The following ADGB variants were observed in gnomAD, a reference collection of about 807,000 sequenced individuals.
ADGB encodes the protein androglobin, also known as calpain-7-like protein.
Under a neutral mutation model 210.5 loss-of-function variants are expected in ADGB, and 172 were observed. That is an observed-to-expected ratio of 0.82 (90% CI 0.72 to 0.93). The LOEUF (loss-of-function observed/expected upper bound fraction) is 0.93, where lower values mean the gene tolerates loss of function less well. ADGB is among the 40% of genes least tolerant of loss of function. ADGB has a pLI of 0.00. For synonymous variants in ADGB, 658 were observed against 662.7 expected, an observed-to-expected ratio of 0.99 and a Z score of 0.11; for missense variants, 2,025 against 1,964.8, an observed-to-expected ratio of 1.03 and a Z score of -0.58.
intron 28 of ADGB, among the ~76,000 whole-genome samples, chr6:146,767,168 A>T (rs1777588102): frequency 6.6e-6 from 1 of 152,222 alleles, no homozygotes; most frequent in Non-Finnish European, 1.5e-5. Context: ...AAATTGGAAT[A>T]AGAAAAGAAT....
In ADGB at chr6:146,649,469, CATTTTTATTTTT is replaced by C. The variant is rs903190821; in HGVS notation, c.330+4616_330+4627del. Among the ~76,000 whole-genome samples the C allele has an allele frequency of 1.3e-4, 20 of 151,004 alleles. No individual in the cohort carries two copies. In the East Asian group the frequency reaches 1.8e-3, roughly 13 times the overall value. On this transcript the variant is annotated intron_variant, in intron 3 of 35. Coordinates refer to ENST00000397944, the MANE Select transcript of ADGB (RefSeq NM_024694.4). ...AAATGTATACTGATGATTCTGAAGA[CATTTTTATTTTT>C]ATTTTTATTTTACTAATTTTTTTTT...
intron 23 of ADGB, among the ~76,000 whole-genome samples, chr6:146,739,732 A>G (rs1263421536): frequency 6.6e-6 from 1 of 152,162 alleles, no homozygotes; most frequent in Admixed American, 6.5e-5. Flanking sequence ...CTTCCATCCC[A>G]GCTAATACCT....
At chr6:146,698,749 T>G (rs908374263) in intron 12 of ADGB, among the ~76,000 whole-genome samples, 1 of 152,084 alleles carries the variant, frequency 6.6e-6, no homozygotes, top group Admixed American at 6.6e-5. Flanking sequence ...TTTGGGGTTT[T>G]GTTTTGTTTT....
At position 146,782,198 on chromosome 6, in the gene ADGB, T is replaced by A. The variant is rs972030243; in HGVS notation, c.4035+6T>A. 3 of 1,512,118 alleles carry A rather than the reference T, an allele frequency of 2.0e-6. No individual in the cohort carries two copies. The highest frequency in any genetic ancestry group is 2.6e-6 in the Non-Finnish European group (3 of 1,134,318). 93.7% of individuals were successfully genotyped at this position (1,512,118 alleles called of 1,614,324 possible). On this transcript the variant is annotated splice_donor_region_variant and intron_variant, in intron 30 of 35. Coordinates refer to ENST00000397944, the MANE Select transcript of ADGB (RefSeq NM_024694.4). ...CACCTCGCTTTGAGCCTCAGGTGGG[T>A]GTGGAATTTTTTTTATTTGAGTGAC...
chr6:146,812,920 T>C (rs1308224812), intron 35 of ADGB, among the ~76,000 whole-genome samples: 3 of 152,240 alleles, frequency 2.0e-5, no homozygotes, highest in Non-Finnish European at 4.4e-5. Flanking sequence ...GCTATTCATT[T>C]GGGAAAAGAA....
At chr6:146,604,487 C>T (rs779054498) in intron 1 of ADGB, among the ~76,000 whole-genome samples, 1 of 151,822 alleles carries the variant, frequency 6.6e-6, no homozygotes, top group Non-Finnish European at 1.5e-5. Context: ...TTTTGGTCTC[C>T]CTGGGAGTGG....
intron 33 of ADGB, among the ~76,000 whole-genome samples, chr6:146,791,421 G>C (rs975785644): frequency 9.9e-5 from 15 of 152,066 alleles, no homozygotes; most frequent in Non-Finnish European, 1.5e-5. Flanking sequence ...ATGGCTCGCT[G>C]CAGCCTCAAC....
chr6:146,690,362 G>A (rs1324175366), intron 10 of ADGB, among the ~76,000 whole-genome samples: 1 of 152,174 alleles, frequency 6.6e-6, no homozygotes, highest in Non-Finnish European at 1.5e-5. Context: ...TGATTTTAAT[G>A]TTGTTAATAT....
intron 7 of ADGB, among the ~76,000 whole-genome samples, chr6:146,669,889 T>C (rs1454002308): frequency 6.6e-6 from 1 of 152,132 alleles, no homozygotes; most frequent in African/African-American, 2.4e-5. Flanking sequence ...CTCTTGATTC[T>C]CAACCTCCTA....
chr6:146,766,133 G>A (rs568037604), intron 28 of ADGB, among the ~76,000 whole-genome samples: 1 of 152,188 alleles, frequency 6.6e-6, no homozygotes, highest in African/African-American at 2.4e-5. Flanking sequence ...TGGTAGGGGT[G>A]AGGGGGGCGG....
intron 19 of ADGB, among the ~76,000 whole-genome samples, chr6:146,727,690 T>G (rs975301766): frequency 6.6e-6 from 1 of 152,188 alleles, no homozygotes; most frequent in African/African-American, 2.4e-5. Context: ...GAGAGACTAA[T>G]GCTACTTAGA....
At chr6:146,682,108 A>G (rs1776165415) in intron 9 of ADGB, among the ~76,000 whole-genome samples, 1 of 152,128 alleles carries the variant, frequency 6.6e-6, no homozygotes. Flanking sequence ...AATCATATAT[A>G]ATCTTTAACA....
At chr6:146,756,456 C>T (rs1777407542) in intron 27 of ADGB, among the ~76,000 whole-genome samples, 1 of 150,588 alleles carries the variant, frequency 6.6e-6, no homozygotes, top group Non-Finnish European at 1.5e-5. Context: ...TTTAACACTG[C>T]TTATTTGAAA....
At chr6:146,662,438 GTTTAAT>G (rs1402642625) in intron 5 of ADGB, among the ~76,000 whole-genome samples, 2 of 151,920 alleles carry the variant, frequency 1.3e-5, no homozygotes, top group African/African-American at 4.8e-5. Flanking sequence ...TTGCTTTTTA[GTTTAAT>G]TTTAAGCTTA....
At chr6:146,735,199 C>T (rs187439766) in intron 22 of ADGB, among the ~76,000 whole-genome samples, 19 of 152,170 alleles carry the variant, frequency 1.2e-4, no homozygotes, top group Admixed American at 4.6e-4. Context: ...CATATGCATT[C>T]GTCAAACTCA....
At chr6:146,712,973 C>G (rs755163095) in intron 13 of ADGB, among the ~76,000 whole-genome samples, 27 of 151,642 alleles carry the variant, frequency 1.8e-4, no homozygotes, top group Non-Finnish European at 3.5e-4. Context: ...TTTGACTATT[C>G]TGGGTACTTC....
chr6:146,764,446 T>C (rs1777544716), intron 28 of ADGB, among the ~76,000 whole-genome samples: 1 of 152,108 alleles, frequency 6.6e-6, no homozygotes, highest in Non-Finnish European at 1.5e-5. Context: ...GGTCATATAT[T>C]AATAAAACTT....
intron 35 of ADGB, chr6:146,807,351 C>T (rs1778227332): frequency 2.9e-5 from 44 of 1,518,556 alleles, no homozygotes; most frequent in South Asian, 2.6e-4. Context: ...TTTCTGGGAA[C>T]GTAAGCCTTT....
intron 5 of ADGB, among the ~76,000 whole-genome samples, chr6:146,659,741 C>T (rs1775830048): frequency 6.6e-6 from 1 of 152,142 alleles, no homozygotes; most frequent in South Asian, 2.1e-4. Context: ...CCGTCTTTCA[C>T]CTGGGAATGA....
Sources: allele counts gnomAD v4.1 joint callset (sites outside exome capture counted in the v4.1 genomes callset), GRCh38; gene constraint gnomAD v4.1.1; transcripts MANE v1.5; gene names NCBI Gene and HGNC (gene_info 2026-07-23, HGNC 2026-07-21).